Variants in ZNF763 observed in about 807,000 individuals in gnomAD.
ZNF763 encodes zinc finger protein 763.
Under a neutral mutation model 38.0 loss-of-function variants are expected in ZNF763, and 33 were observed. The ratio of observed to expected loss-of-function variants is 0.87; its 90% CI spans 0.66 to 1.16. The LOEUF (loss-of-function observed/expected upper bound fraction) is 1.16. ZNF763 is among the 50% of genes most tolerant of loss of function. ZNF763 has a pLI of 0.00. For missense variants in ZNF763, 423 were observed against 469.1 expected (o/e 0.90, Z 0.91); for synonymous variants, 155 against 160.1 (o/e 0.97, Z 0.24).
At position 11,979,501 on chromosome 19, in the gene ZNF763, A is replaced by T. The variant is rs1973575622; in HGVS notation, c.*392A>T. 9 of 1,602,088 alleles carry T rather than the reference A, an allele frequency of 5.6e-6. No homozygotes were observed. Among genetic ancestry groups the T allele is most frequent in the Non-Finnish European group, 7.7e-6 (9 of 1,172,140 alleles). On this transcript the variant is annotated 3_prime_UTR_variant, in exon 4 of 4. Transcript: ENST00000358987. ...GGAAAGGCTTTTATTCTCCCACGTC[A>T]TTTCAAAGACATGAAAAAACTCACA...
rs1973584804 is a variant in ZNF763, at chr19:11,979,910, T to C, written c.*801T>C. On this transcript the variant is annotated 3_prime_UTR_variant, in exon 4 of 4. Coordinates refer to ENST00000358987, the MANE Select transcript of ZNF763 (RefSeq NM_001367172.2). ...AGAAAGACCTTATAAATGTAAGATA[T>C]GTGGGAAAGGCTTTTATTCTGCCAA... is the stretch of plus-strand genomic sequence containing the variant. The C allele has an allele frequency of 3.6e-6, 5 of 1,387,922 alleles. No homozygotes were observed. The highest frequency in any genetic ancestry group is 1.2e-5 in the South Asian group (1 of 85,892). The allele number at this position is 1,387,922 out of a possible 1,614,324, so 86.0% of individuals were successfully genotyped here.
chr19:11,967,552 C>T (rs944306468), intron 1 of ZNF763, among the ~76,000 whole-genome samples: 1 of 152,000 alleles, frequency 6.6e-6, no homozygotes, highest in Non-Finnish European at 1.5e-5. Context: ...TACAGGCACC[C>T]GCCACCACGC....
rs1973583444 is a variant in ZNF763, at chr19:11,979,836, A to G, written c.*727A>G. On this transcript the variant is annotated 3_prime_UTR_variant, in exon 4 of 4. Transcript: ENST00000358987. ...GGGAAAGCCTTCAGATCTGCCAAGA[A>G]CCTTCGAATTCATGAAAGGACACAA... 1 of 1,549,272 alleles carries G rather than the reference A, an allele frequency of 6.5e-7. No homozygotes were observed. Among genetic ancestry groups the G allele is most frequent in the Non-Finnish European group, 8.9e-7 (1 of 1,124,264 alleles).
intron 1 of ZNF763, among the ~76,000 whole-genome samples, chr19:11,974,113 C>CT (rs754804986): frequency 0.013 from 866 of 65,694 alleles, 5 homozygotes; most frequent in Middle Eastern, 0.029. Context: ...TTCTTTCTTT[C>CT]TTTCTTTCTT....
At chr19:11,965,683 G>A (rs541024407) in intron 1 of ZNF763, among the ~76,000 whole-genome samples, 2 of 152,294 alleles carry the variant, frequency 1.3e-5, no homozygotes, top group Admixed American at 6.5e-5. Flanking sequence ...CCCAGTCCTG[G>A]CTTGTGGTTT....
At position 11,978,824 on chromosome 19, in the gene ZNF763, A is replaced by G; in HGVS notation, c.900A>G (p.Gln300=). 6.2e-7 allele frequency: 1 copy of G among 1,614,130 alleles called. No individual in the cohort carries two copies. The highest frequency in any genetic ancestry group is 1.6e-4 in the Middle Eastern group (1 of 6,062). ...GKSFSWCHSF[Q]IHERTHTGEK... ...CCTTCAGTTGGTGTCATTCCTTTCA[A>G]ATACATGAAAGAACTCACACTGGGG... Residue 300 remains glutamine, a synonymous_variant, in exon 4 of 4, where the codon CAA becomes CAG. Transcript: ENST00000358987.
chr19:11,965,132 G>A lies in ZNF763; in HGVS notation c.-77G>A, dbSNP rs932952578. 86 of 1,603,130 alleles carry A rather than the reference G, an allele frequency of 5.4e-5. No individual in the cohort carries two copies. The highest frequency in any genetic ancestry group is 7.2e-5 in the Non-Finnish European group (84 of 1,170,736). On this transcript the variant is annotated 5_prime_UTR_variant, in exon 1 of 4. Transcript: ENST00000358987. ...TGGTACCTCTACCCAGGTTTCTATC[G>A]CTCTGTCTCCTGCGCTGTGCCCTTC...
chr19:11,979,659 C>G lies in ZNF763; in HGVS notation c.*550C>G. 6.2e-7 allele frequency: 1 copy of G among 1,604,228 alleles called. No homozygotes were observed. Among genetic ancestry groups the G allele is most frequent in the East Asian group, 2.2e-5 (1 of 44,576 alleles). ...AAGCAATGTGGGAAAGCCTTCAGAT[C>G]TGCCTCAATCCTTCAAATGCATGCT... On this transcript the variant is annotated 3_prime_UTR_variant, in exon 4 of 4. Transcript: ENST00000358987.
chr19:11,972,601 G>A (rs1973374070), intron 1 of ZNF763, among the ~76,000 whole-genome samples: 2 of 152,058 alleles, frequency 1.3e-5, no homozygotes, highest in Admixed American at 1.3e-4. Flanking sequence ...CATTTTTTAT[G>A]CAAATGATAA....
chr19:11,979,029 G>A lies in ZNF763; in HGVS notation c.1105G>A (p.Glu369Lys). Reference protein sequence around the residue: ...ERTHSAKKPYECKQCGKALSY... With the variant: ...ERTHSAKKPYKCKQCGKALSY... ...GACCCACTCTGCGAAAAAACCTTAT[G>A]AATGTAAGCAGTGTGGGAAAGCATT... is the stretch of plus-strand genomic sequence containing the variant. The change falls in exon 4 of 4, where the codon GAA becomes AAA. Residue 369 changes from glutamate to lysine, a missense_variant. Coordinates refer to ENST00000358987, the MANE Select transcript of ZNF763 (RefSeq NM_001367172.2). The A allele has an allele frequency of 6.2e-7, 1 of 1,614,186 alleles. No homozygotes were observed. Among genetic ancestry groups the A allele is most frequent in the South Asian group, 1.1e-5 (1 of 91,090 alleles).
intron 1 of ZNF763, among the ~76,000 whole-genome samples, chr19:11,974,069 T>TTTTCTTTCTTTCTTTTC (rs1973407836): frequency 3.3e-4 from 38 of 114,848 alleles, no homozygotes; most frequent in African/African-American, 1.1e-3. Context: ...TCCTTCTTTC[T>TTTTCTTTCTTTCTTTTC]TTTCTTTCTT....
In ZNF763 at chr19:11,965,194, T is replaced by C. The variant is rs761984245; in HGVS notation, c.-15T>C. 3 of 1,614,032 alleles carry C rather than the reference T, an allele frequency of 1.9e-6. No individual in the cohort carries two copies. Among genetic ancestry groups the C allele is most frequent in the Non-Finnish European group, 2.5e-6 (3 of 1,179,948 alleles). ...GAGCTGTAGAGAGGACCCCAGGACATCTGAAAGCCAGGAAATGGTGCGTGT... is the reference window on the plus strand; with the variant it reads ...GAGCTGTAGAGAGGACCCCAGGACACCTGAAAGCCAGGAAATGGTGCGTGT... On this transcript the variant is annotated 5_prime_UTR_variant, in exon 1 of 4. Transcript: ENST00000358987.
chr19:11,974,106 TTTCTTTCTTTCTTTCTTTCTTTTCTTTC>T (rs1413920892), intron 1 of ZNF763, among the ~76,000 whole-genome samples: 69 of 102,350 alleles, frequency 6.7e-4, no homozygotes, highest in Admixed American at 5.1e-3. Context: ...TCTTTCTTTC[TTTCTTTCTTTCTTTCTTTCTTTTCTTTC>T]TTTCTTTCTT....
rs775952703 is a variant in ZNF763 at position 11,978,350 on chromosome 19, G to T, written c.426G>T (p.Lys142Asn). ...KAYEYQDYAP[K>N]PYKCQQPKKA... ...ACGAGTATCAGGACTATGCACCAAAGCCATATAAGTGTCAACAACCTAAGA... is the reference window on the plus strand; with the variant it reads ...ACGAGTATCAGGACTATGCACCAAATCCATATAAGTGTCAACAACCTAAGA... The change falls in exon 4 of 4, where the codon AAG becomes AAT. Residue 142 changes from lysine (K) to asparagine (N), a missense_variant. Physicochemically the swap from Lys to Asn is moderately conservative, Grantham distance 94 (BLOSUM62 0). Coordinates refer to ENST00000358987, the MANE Select transcript of ZNF763 (RefSeq NM_001367172.2). 2 of 1,614,028 alleles carry T rather than the reference G, an allele frequency of 1.2e-6. No homozygotes were observed. Among genetic ancestry groups the T allele is most frequent in the South Asian group, 2.2e-5 (2 of 91,084 alleles).
chr19:11,979,608 A>G lies in ZNF763; in HGVS notation c.*499A>G. 1 of 1,604,556 alleles carries G rather than the reference A, an allele frequency of 6.2e-7. No individual in the cohort carries two copies. The highest frequency in any genetic ancestry group is 1.3e-5 in the African/African-American group (1 of 74,308). On this transcript the variant is annotated 3_prime_UTR_variant, in exon 4 of 4. Coordinates refer to ENST00000358987, the MANE Select transcript of ZNF763 (RefSeq NM_001367172.2). ...TCCTTTTGGTACCATGAAAGGACTC[A>G]CACTGGAGAGAAACCCTATGAGTGT...
intron 1 of ZNF763, among the ~76,000 whole-genome samples, chr19:11,968,878 A>G (rs1352646499): frequency 6.6e-6 from 1 of 152,160 alleles, no homozygotes; most frequent in African/African-American, 2.4e-5. Flanking sequence ...TATTAAATTT[A>G]AAAAGACAGT....
intron 1 of ZNF763, among the ~76,000 whole-genome samples, chr19:11,974,166 C>G (rs1973431366): frequency 9.6e-6 from 1 of 104,482 alleles, no homozygotes; most frequent in Non-Finnish European, 1.8e-5. Flanking sequence ...TTCCTTCCTT[C>G]CTTCCTTCCT....
Position 11,977,019 on chromosome 19 carries a change from C to T in ZNF763, c.4-19C>T, listed in dbSNP as rs943373725. On this transcript the variant is annotated intron_variant, in intron 1 of 3. Transcript: ENST00000358987. Reference sequence around the variant, plus strand: ...TGTCACTCTCACCCAGCCTCCTCTACACATGTGAGATGTTTCAGGACCCTG... The same window carrying T: ...TGTCACTCTCACCCAGCCTCCTCTATACATGTGAGATGTTTCAGGACCCTG... The T allele has an allele frequency of 6.2e-6, 10 of 1,613,882 alleles. No homozygotes were observed. The Admixed American group carries it at 1.2e-4, about 19-fold the overall frequency.
rs375722437 is a variant in ZNF763, at chr19:11,977,022, A to G, written c.4-16A>G. On this transcript the variant is annotated splice_polypyrimidine_tract_variant and intron_variant, in intron 1 of 3. Transcript: ENST00000358987. Reference sequence around the variant, plus strand: ...CACTCTCACCCAGCCTCCTCTACACATGTGAGATGTTTCAGGACCCTGTGG... The same window carrying G: ...CACTCTCACCCAGCCTCCTCTACACGTGTGAGATGTTTCAGGACCCTGTGG... 1.7e-5 allele frequency: 28 copies of G among 1,613,940 alleles called. No homozygotes were observed. In the African/African-American group the frequency reaches 3.6e-4, roughly 21 times the overall value.
Sources: allele counts gnomAD v4.1 joint callset (sites outside exome capture counted in the v4.1 genomes callset), GRCh38; gene constraint gnomAD v4.1.1; transcripts MANE v1.5; gene names NCBI Gene and HGNC (gene_info 2026-07-23, HGNC 2026-07-21).